The following DENND1A variants were observed in gnomAD, a reference collection of about 807,000 sequenced individuals.
DENND1A encodes the protein DENN domain containing 1A.
In DENND1A, 51 loss-of-function variants were observed where a neutral mutation model predicts 113.7. The observed-to-expected ratio is 0.45, with a 90% CI of 0.36 to 0.57. DENND1A has a LOEUF of 0.57. Ranked by LOEUF, DENND1A falls within the 20% of genes least tolerant of loss-of-function variation. DENND1A has a pLI of 0.00. For synonymous variants in DENND1A, 565 were observed against 570.8 expected, an observed-to-expected ratio of 0.99 and a Z score of 0.14; for missense variants, 1,258 against 1,395.9, an observed-to-expected ratio of 0.90 and a Z score of 1.57.
At chr9:123,507,628 C>T (rs1409816958) in intron 13 of DENND1A, among the ~76,000 whole-genome samples, 2 of 151,542 alleles carry the variant, frequency 1.3e-5, no homozygotes, top group South Asian at 4.2e-4. Flanking sequence ...GGGGGCAGCT[C>T]GCTTAAACCC....
chr9:123,921,807 T>G (rs776306715), intron 1 of DENND1A, among the ~76,000 whole-genome samples: 8 of 152,208 alleles, frequency 5.3e-5, no homozygotes, highest in Non-Finnish European at 1.0e-4. Context: ...ATTTGTAACA[T>G]AACTCTGCTA....
chr9:123,825,405 G>C (rs1839159199), intron 2 of DENND1A, among the ~76,000 whole-genome samples: 1 of 151,858 alleles, frequency 6.6e-6, no homozygotes, highest in African/African-American at 2.4e-5. Context: ...CACCCATTCT[G>C]TAATGGATGC....
intron 8 of DENND1A, among the ~76,000 whole-genome samples, chr9:123,653,332 T>G (rs2062758591): frequency 6.6e-6 from 1 of 152,224 alleles, no homozygotes; most frequent in South Asian, 2.1e-4. Context: ...TGTGGATGTG[T>G]AATTGTGCAG....
At chr9:123,436,073 A>G (rs6478613) in intron 19 of DENND1A, among the ~76,000 whole-genome samples, 149,157 of 152,298 alleles carry the variant, frequency 0.98, 73,097 homozygotes, top group Middle Eastern at 1. Flanking sequence ...GGAGGACACC[A>G]CTCACTCACT....
rs75313650 is a variant in DENND1A at position 123,783,814 on chromosome 9, C to T, written c.132+8773G>A. Among the ~76,000 whole-genome samples, 67 of 152,322 alleles carry T rather than the reference C, an allele frequency of 4.4e-4. 1 individual carries two copies. The highest frequency in any genetic ancestry group is 1.6e-3 in the African/African-American group (66 of 41,574). Reference sequence around the variant, plus strand: ...TTGTTCACTGAGCCCCCAATCTGTCCTAGCTGCTCAAAGGGGTCTGTAACA... The same window carrying T: ...TTGTTCACTGAGCCCCCAATCTGTCTTAGCTGCTCAAAGGGGTCTGTAACA... On this transcript the variant is annotated intron_variant, in intron 3 of 23. Coordinates refer to ENST00000394215, the MANE Select transcript of DENND1A (RefSeq NM_001352964.2).
At chr9:123,668,397 A>G (rs969568647) in intron 7 of DENND1A, among the ~76,000 whole-genome samples, 2 of 152,236 alleles carry the variant, frequency 1.3e-5, no homozygotes, top group East Asian at 3.8e-4. Flanking sequence ...CTAATAATCA[A>G]CAGATATTTG....
At chr9:123,517,556 T>C (rs2054043843) in intron 13 of DENND1A, among the ~76,000 whole-genome samples, 1 of 142,942 alleles carries the variant, frequency 7.0e-6, no homozygotes, top group South Asian at 2.3e-4. Context: ...GAGGGGGAGG[T>C]TGCAGTCAGC....
chr9:123,436,061 G>A (rs550038084), intron 19 of DENND1A, among the ~76,000 whole-genome samples: 24 of 152,312 alleles, frequency 1.6e-4, no homozygotes, highest in East Asian at 1.5e-3. Context: ...CAGGGCTGCC[G>A]GGGAGGACAC....
Position 123,655,109 on chromosome 9 carries a change from C to T in DENND1A, c.508-2986G>A, listed in dbSNP as rs539015793. 9.8e-5 allele frequency among the ~76,000 whole-genome samples: 15 copies of T among 152,298 alleles called. No individual in the cohort carries two copies. The South Asian group carries it at 1.7e-3, about 17-fold the overall frequency. On this transcript the variant is annotated intron_variant, in intron 8 of 23. Transcript: ENST00000394215. ...TGCCCCACTCTTCCTTGAGGACACC[C>T]GCTTACTTTTCAAGGCCCAGCTCCA... is the stretch of plus-strand genomic sequence containing the variant.
intron 5 of DENND1A, among the ~76,000 whole-genome samples, chr9:123,713,874 A>C (rs2066798412): frequency 6.6e-6 from 1 of 152,208 alleles, no homozygotes; most frequent in African/African-American, 2.4e-5. Context: ...TAGTTTATGA[A>C]AGACGGGGCT....
At chr9:123,915,218 C>T (rs764717464) in intron 1 of DENND1A, among the ~76,000 whole-genome samples, 27 of 151,934 alleles carry the variant, frequency 1.8e-4, no homozygotes, top group Non-Finnish European at 2.9e-4. Context: ...GGATGGATTG[C>T]AAGAAAAAAA....
At chr9:123,455,986 AC>A (rs532999190) in intron 15 of DENND1A, among the ~76,000 whole-genome samples, 5 of 152,130 alleles carry the variant, frequency 3.3e-5, no homozygotes, top group African/African-American at 1.2e-4. Context: ...TCTCTCTCCT[AC>A]CTAACACTCC....
At chr9:123,402,149 T>C (rs1372673599) in intron 21 of DENND1A, among the ~76,000 whole-genome samples, 1 of 152,236 alleles carries the variant, frequency 6.6e-6, no homozygotes, top group Non-Finnish European at 1.5e-5. Context: ...ACCAGGCTAT[T>C]GTGCAGAGCA....
At chr9:123,418,562 G>A (rs567856856) in intron 19 of DENND1A, among the ~76,000 whole-genome samples, 1 of 152,236 alleles carries the variant, frequency 6.6e-6, no homozygotes, top group Non-Finnish European at 1.5e-5. Flanking sequence ...GGTGGAAAAC[G>A]CTCGACGGCC....
chr9:123,692,667 A>C (rs2065259099), intron 5 of DENND1A, among the ~76,000 whole-genome samples: 1 of 152,200 alleles, frequency 6.6e-6, no homozygotes, highest in Non-Finnish European at 1.5e-5. Flanking sequence ...TAGTGATATA[A>C]AAGATAGCAA....
In DENND1A at chr9:123,557,661, G is replaced by C; in HGVS notation, c.902C>G (p.Ser301Cys). ...GGCCACACCATCCCCAGTGGTTGTG[G>C]AGACCTTTTTCAGCCTGTTCTTCAG... ...SSLKNRLKKV[S>C]TTTGDGVARA... is the part of the protein sequence containing the mutation. Residue 301 changes from serine (S) to cysteine (C), a missense_variant, in exon 13 of 24, where the codon TCC becomes TGC. Around this residue, in one of 2 missense-constraint regions of DENND1A, gnomAD observed 1,159 missense variants for 1,231.7 expected, o/e 0.94. Coordinates refer to ENST00000394215, the MANE Select transcript of DENND1A (RefSeq NM_001352964.2). The C allele has an allele frequency of 6.2e-7, 1 of 1,614,106 alleles. No individual in the cohort carries two copies. The highest frequency in any genetic ancestry group is 1.1e-5 in the South Asian group (1 of 91,056).
chr9:123,864,920 G>A (rs1845605151), intron 2 of DENND1A, among the ~76,000 whole-genome samples: 1 of 152,038 alleles, frequency 6.6e-6, no homozygotes, highest in South Asian at 2.1e-4. Context: ...TAGGTGCTGG[G>A]GACACATCAG....
At chr9:123,594,852 G>A (rs946158885) in intron 11 of DENND1A, among the ~76,000 whole-genome samples, 6 of 152,148 alleles carry the variant, frequency 3.9e-5, no homozygotes, top group Non-Finnish European at 8.8e-5. Context: ...GGAAGCTGGT[G>A]GCCTCCTAGG....
chr9:123,463,369 A>G (rs1214392490), intron 13 of DENND1A, among the ~76,000 whole-genome samples: 2 of 152,216 alleles, frequency 1.3e-5, no homozygotes, highest in Non-Finnish European at 1.5e-5. Flanking sequence ...TGGTGATTTC[A>G]AAGGTTTTTG....
Sources: gnomAD v4.1 joint callset for allele counts (sites outside exome capture counted in the v4.1 genomes callset) on GRCh38, gnomAD v4.1.1 for gene constraint, gnomAD v4.1.1 regional missense constraint, MANE v1.5 for transcripts, NCBI Gene and HGNC (gene_info 2026-07-23, HGNC 2026-07-21) for gene names.